DLG2: variants seen among roughly 807,000 people sequenced by gnomAD.
The protein encoded by DLG2 is discs large MAGUK scaffold protein 2, also known as disks large homolog 2.
DLG2 carries 45 observed loss-of-function variants against 132.5 expected under a neutral mutation model. The ratio of observed to expected loss-of-function variants is 0.34; its 90% CI spans 0.27 to 0.44. The LOEUF is 0.44. Among genes scored for constraint, DLG2 ranks in the 20% least tolerant of loss-of-function variants. The probability of loss-of-function intolerance (pLI) is 1.00; values close to 1 mark genes in which losing one functional copy is unlikely to be tolerated. For missense variants in DLG2, 1,045 were observed against 1,196.9 expected (o/e 0.87, Z 1.87); for synonymous variants, 424 against 419.6 (o/e 1.01, Z -0.13).
intron 3 of DLG2, among the ~76,000 whole-genome samples, chr11:85,501,367 T>A (rs537428103): frequency 1.3e-5 from 2 of 152,284 alleles, no homozygotes; most frequent in African/African-American, 4.8e-5. Flanking sequence ...GGGCAAAGGC[T>A]TCATGTCTAA....
At chr11:85,056,600 A>T (rs1486666410) in intron 6 of DLG2, among the ~76,000 whole-genome samples, 1 of 152,058 alleles carries the variant, frequency 6.6e-6, no homozygotes, top group Non-Finnish European at 1.5e-5. Context: ...ATGTATAATG[A>T]TCAGTACATT....
At chr11:84,366,020 C>T (rs1284958056) in intron 7 of DLG2, among the ~76,000 whole-genome samples, 1 of 151,848 alleles carries the variant, frequency 6.6e-6, no homozygotes, top group Non-Finnish European at 1.5e-5. Flanking sequence ...GTCAGATTCA[C>T]CAAAGTTGAA....
chr11:85,618,578 A>T (rs1411030169), intron 2 of DLG2, among the ~76,000 whole-genome samples: 1 of 152,184 alleles, frequency 6.6e-6, no homozygotes, highest in East Asian at 1.9e-4. Context: ...ACATGGACAT[A>T]AAGACAGGAA....
intron 21 of DLG2, among the ~76,000 whole-genome samples, chr11:83,520,695 G>GATAGATAGA (rs1565616703): frequency 0.12 from 18,208 of 149,058 alleles, 1,264 homozygotes; most frequent in Middle Eastern, 0.19. Flanking sequence ...AAGTAGGTAG[G>GATAGATAGA]TAGATAGATA....
intron 16 of DLG2, among the ~76,000 whole-genome samples, chr11:83,846,368 G>C (rs568015646): frequency 1.5e-3 from 233 of 152,322 alleles, no homozygotes; most frequent in Non-Finnish European, 2.4e-3. Context: ...ATAATGTGAA[G>C]ACATTGAATG....
chr11:84,175,734 A>T (rs180795495), intron 8 of DLG2, among the ~76,000 whole-genome samples: 1 of 152,264 alleles, frequency 6.6e-6, no homozygotes, highest in East Asian at 1.9e-4. Context: ...ATAGAGCCAC[A>T]TCACCCTGCT....
chr11:85,385,802 G>A (rs1596744510), intron 3 of DLG2, among the ~76,000 whole-genome samples: 1 of 152,242 alleles, frequency 6.6e-6, no homozygotes, highest in African/African-American at 2.4e-5. Flanking sequence ...ACAGCTGTGG[G>A]GAGAGAACTG....
intron 3 of DLG2, among the ~76,000 whole-genome samples, chr11:85,551,924 C>CAGAGAA (rs1373680350): frequency 6.6e-6 from 1 of 151,728 alleles, no homozygotes; most frequent in Non-Finnish European, 1.5e-5. Context: ...TAACAATAAG[C>CAGAGAA]AGAGAAACTA....
At chr11:84,260,703 A>G (rs2154357168) in intron 7 of DLG2, among the ~76,000 whole-genome samples, 1 of 152,320 alleles carries the variant, frequency 6.6e-6, no homozygotes, top group South Asian at 2.1e-4. Flanking sequence ...AGAAGTAAAC[A>G]GAGGCACAGA....
chr11:83,767,100 T>C (rs1329136405), intron 18 of DLG2, among the ~76,000 whole-genome samples: 1 of 152,226 alleles, frequency 6.6e-6, no homozygotes, highest in Non-Finnish European at 1.5e-5. Context: ...CATCTCAAGA[T>C]CCTTAATTTC....
chr11:83,926,461 TA>T (rs1341579319), intron 15 of DLG2, among the ~76,000 whole-genome samples: 1 of 152,166 alleles, frequency 6.6e-6, no homozygotes, highest in African/African-American at 2.4e-5. Flanking sequence ...TACTGCATCC[TA>T]AAAATCAGGC....
chr11:83,963,157 G>T lies in DLG2; in HGVS notation c.1202-134C>A, dbSNP rs892809665. On this transcript the variant is annotated intron_variant, in intron 13 of 27. Transcript: ENST00000376104. The stretch of plus-strand genomic sequence containing the variant: ...CAAGGTTTTTCTTGTCCTCCCAGAG[G>T]GGGGAGTTGCAGCTTATTTGCATTT... 5 of 909,740 alleles carry T rather than the reference G, an allele frequency of 5.5e-6. No homozygotes were observed. In the African/African-American group the frequency reaches 6.7e-5, roughly 12 times the overall value. The allele number at this position is 909,740 out of a possible 1,614,324, so 56.4% of individuals were successfully genotyped here.
intron 8 of DLG2, among the ~76,000 whole-genome samples, chr11:84,189,001 ATTTG>A (rs1320278037): frequency 2.0e-5 from 3 of 152,130 alleles, no homozygotes; most frequent in Non-Finnish European, 4.4e-5. Context: ...AAATTTCCTT[ATTTG>A]TTTATTTATT....
At chr11:84,421,276 G>C (rs758681036) in intron 7 of DLG2, among the ~76,000 whole-genome samples, 5 of 152,134 alleles carry the variant, frequency 3.3e-5, no homozygotes, top group Non-Finnish European at 7.4e-5. Flanking sequence ...ATGGTATTTT[G>C]TTACAGCAGC....
intron 4 of DLG2, among the ~76,000 whole-genome samples, chr11:85,169,376 C>T (rs1380156140): frequency 6.6e-6 from 1 of 152,014 alleles, no homozygotes; most frequent in African/African-American, 2.4e-5. Context: ...CTAAAATAAA[C>T]TGATAACATG....
chr11:85,480,176 C>T (rs573498882), intron 3 of DLG2, among the ~76,000 whole-genome samples: 14 of 152,230 alleles, frequency 9.2e-5, no homozygotes, highest in Non-Finnish European at 1.8e-4. Context: ...AAGTATAAAT[C>T]GGCACAATCA....
intron 5 of DLG2, among the ~76,000 whole-genome samples, chr11:85,123,070 C>T (rs2074616565): frequency 6.8e-6 from 1 of 146,190 alleles, no homozygotes; most frequent in Admixed American, 6.9e-5. Context: ...CTCCACCTCC[C>T]GGGTTCATGC....
At chr11:84,254,287 C>T (rs766916420) in intron 7 of DLG2, among the ~76,000 whole-genome samples, 17 of 151,964 alleles carry the variant, frequency 1.1e-4, no homozygotes, top group East Asian at 5.8e-4. Flanking sequence ...TTTATACATA[C>T]GCCTATTTCC....
chr11:84,654,968 T>C (rs2099686467), intron 6 of DLG2, among the ~76,000 whole-genome samples: 1 of 152,218 alleles, frequency 6.6e-6, no homozygotes, highest in African/African-American at 2.4e-5. Context: ...TCTATCCTGA[T>C]TTATTTAAAC....
Sources: gnomAD v4.1 joint callset for allele counts (sites outside exome capture counted in the v4.1 genomes callset) on GRCh38, gnomAD v4.1.1 for gene constraint, MANE v1.5 for transcripts, NCBI Gene and HGNC (gene_info 2026-07-23, HGNC 2026-07-21) for gene names.